PSD2: variants seen among roughly 807,000 people sequenced by gnomAD.
The protein encoded by PSD2 is pleckstrin and Sec7 domain containing 2.
A neutral mutation model predicts 69.8 loss-of-function variants in PSD2; 38 were observed. The ratio of observed to expected loss-of-function variants is 0.54; its 90% CI spans 0.42 to 0.71. The LOEUF (loss-of-function observed/expected upper bound fraction) is 0.71. PSD2 is among the 30% of genes least tolerant of loss of function. The probability of loss-of-function intolerance (pLI) is 0.00; values close to 1 mark genes in which losing one functional copy is unlikely to be tolerated. For missense variants in PSD2, 943 were observed against 1,014.5 expected (o/e 0.93, Z 0.96); for synonymous variants, 412 against 423.0 (o/e 0.97, Z 0.32).
At chr5:139,784,057 C>G in the PSD2 span, among the ~76,000 whole-genome samples, 1 of 150,968 alleles carries the variant, frequency 6.6e-6, no homozygotes, top group Non-Finnish European at 1.5e-5. Flanking sequence ...TCCTCCCACC[C>G]TAGCCTCCCA....
the PSD2 span, chr5:139,772,986 AG>A: frequency 1.3e-5 from 2 of 152,234 alleles, no homozygotes; most frequent in African/African-American, 2.4e-5. Flanking sequence ...TGAATGAGGC[AG>A]GATTGAAAAA....
At chr5:139,798,457 G>A (rs1350094295) in intron 1 of PSD2, among the ~76,000 whole-genome samples, 3 of 152,236 alleles carry the variant, frequency 2.0e-5, no homozygotes, top group South Asian at 2.1e-4. Flanking sequence ...GGGAAGGAAT[G>A]TCCTCTCCTC....
the PSD2 span, among the ~76,000 whole-genome samples, chr5:139,764,759 A>G: frequency 3.9e-5 from 6 of 152,078 alleles, no homozygotes; most frequent in Non-Finnish European, 5.9e-5. Flanking sequence ...ACCTGCCTTT[A>G]CTTCCCACCT....
At chr5:139,751,702 G>A in the PSD2 span, among the ~76,000 whole-genome samples, 9 of 151,686 alleles carry the variant, frequency 5.9e-5, no homozygotes, top group Non-Finnish European at 4.4e-5. Flanking sequence ...GCTCATCACC[G>A]CCCATCATCA....
At position 139,814,075 on chromosome 5, in the gene PSD2, T is replaced by A. The variant is rs991596702; in HGVS notation, c.822-95T>A. ...TTCTTTCCCTGTTCTGGCCCCTACATGGTTTGCAGTGGCCTGGGGAAACCT... is the reference window on the plus strand; with the variant it reads ...TTCTTTCCCTGTTCTGGCCCCTACAAGGTTTGCAGTGGCCTGGGGAAACCT... On this transcript the variant is annotated intron_variant, in intron 3 of 14. Coordinates refer to ENST00000274710, the MANE Select transcript of PSD2 (RefSeq NM_032289.4). The surrounding 1 kb of genome is among the most constrained non-coding windows in gnomAD (Gnocchi z 4.4). 8.5e-7 allele frequency: 1 copy of A among 1,179,732 alleles called. No homozygotes were observed. The highest frequency in any genetic ancestry group is 1.2e-6 in the Non-Finnish European group (1 of 814,670). 73.1% of individuals were successfully genotyped at this position (1,179,732 alleles called of 1,614,324 possible).
rs759924486 is a variant in PSD2 at position 139,837,027 on chromosome 5, A to G, written c.1594+26A>G. ...GTGGGTGTCAGGCTGGGAGAGGGGCATGGGAGGGAGGCTGGCACAGAGGGG... is the reference window on the plus strand; with the variant it reads ...GTGGGTGTCAGGCTGGGAGAGGGGCGTGGGAGGGAGGCTGGCACAGAGGGG... On this transcript the variant is annotated intron_variant, in intron 10 of 14. Coordinates refer to ENST00000274710, the MANE Select transcript of PSD2 (RefSeq NM_032289.4). The surrounding 1 kb of genome is among the most constrained non-coding windows in gnomAD (Gnocchi z 5.0). The G allele has an allele frequency of 6.2e-7, 1 of 1,605,588 alleles. No individual in the cohort carries two copies. The highest frequency in any genetic ancestry group is 8.5e-7 in the Non-Finnish European group (1 of 1,174,220).
the PSD2 span, among the ~76,000 whole-genome samples, chr5:139,743,181 G>A: frequency 6.6e-6 from 1 of 152,216 alleles, no homozygotes; most frequent in East Asian, 1.9e-4. Flanking sequence ...TCTTGGATCT[G>A]TGGCCAGGTG....
intron 9 of PSD2, 46 bp downstream of exon 9, chr5:139,835,812 GGTGGGGGAGT>G: frequency 6.3e-7 from 1 of 1,591,394 alleles, no homozygotes; most frequent in South Asian, 1.1e-5. Context: ...TACATCCCTG[GGTGGGGGAGT>G]GTGGGGGTGC....
chr5:139,743,437 G>T, the PSD2 span, among the ~76,000 whole-genome samples: 2 of 152,204 alleles, frequency 1.3e-5, no homozygotes, highest in Non-Finnish European at 2.9e-5. Flanking sequence ...GGTGGAATGT[G>T]TGTTTGGTGT....
chr5:139,835,611 T>C lies in PSD2; in HGVS notation c.1360-112T>C. 21 of 1,039,110 alleles carry C rather than the reference T, an allele frequency of 2.0e-5. 1 individual carries two copies. In the South Asian group the frequency reaches 2.7e-4, roughly 13 times the overall value. The allele number at this position is 1,039,110 out of a possible 1,614,324, so 64.4% of individuals were successfully genotyped here. A position where few individuals can be genotyped will look rare whatever the true frequency, so the allele number is the denominator to read the frequency against. ...ATAAGTATGAATCAAACACCCACTTTGCCCCATTGGCTGAAAAGGTGCTCC... is the reference window on the plus strand; with the variant it reads ...ATAAGTATGAATCAAACACCCACTTCGCCCCATTGGCTGAAAAGGTGCTCC... On this transcript the variant is annotated intron_variant, in intron 8 of 14. Transcript: ENST00000274710.
chr5:139,813,236 G>A, intron 2 of PSD2, 73 bp from the exon 3 acceptor site: 1 of 1,303,874 alleles, frequency 7.7e-7, no homozygotes, highest in Non-Finnish European at 1.0e-6. Context: ...CCCAGACACA[G>A]ATGAGTGTAG....
chr5:139,747,108 C>T, the PSD2 span, among the ~76,000 whole-genome samples: 1 of 152,170 alleles, frequency 6.6e-6, no homozygotes, highest in Non-Finnish European at 1.5e-5. The surrounding 1 kb of genome is among the most constrained non-coding windows in gnomAD (Gnocchi z 6.7). Context: ...ATCTCCACAT[C>T]TCCATCTCCA....
At chr5:139,824,806 G>T (rs1760375120) in intron 7 of PSD2, among the ~76,000 whole-genome samples, 2 of 152,184 alleles carry the variant, frequency 1.3e-5, no homozygotes, top group South Asian at 4.1e-4. Flanking sequence ...CAGAGCACCT[G>T]ATGCTTTGCA....
chr5:139,782,123 C>T, the PSD2 span, among the ~76,000 whole-genome samples: 5 of 152,214 alleles, frequency 3.3e-5, no homozygotes, highest in Non-Finnish European at 5.9e-5. Flanking sequence ...TAGGTTTCAG[C>T]CCAGTATCTG....
At chr5:139,769,364 T>C in the PSD2 span, among the ~76,000 whole-genome samples, 1 of 151,984 alleles carries the variant, frequency 6.6e-6, no homozygotes, top group Admixed American at 6.5e-5. Context: ...GAGAAGCTTC[T>C]AGACAGGGGT....
the PSD2 span, among the ~76,000 whole-genome samples, chr5:139,782,547 C>T: frequency 6.2e-5 from 9 of 144,100 alleles, no homozygotes; most frequent in African/African-American, 2.1e-4. Flanking sequence ...GGCTGGAGTG[C>T]AGTGGCGTGA....
chr5:139,788,153 G>A, the PSD2 span, among the ~76,000 whole-genome samples: 1 of 151,518 alleles, frequency 6.6e-6, no homozygotes, highest in African/African-American at 2.4e-5. Flanking sequence ...GCCAGCAGAG[G>A]GAGGCGGAGA....
the PSD2 span, among the ~76,000 whole-genome samples, chr5:139,746,643 G>A: frequency 1.3e-5 from 2 of 152,224 alleles, no homozygotes. This position sits in a 1 kb window ranked among gnomAD's most constrained non-coding sequence, Gnocchi z 4.5. Flanking sequence ...TATAGAGCTT[G>A]GCTGGGCGGG....
intron 1 of PSD2, among the ~76,000 whole-genome samples, chr5:139,796,277 C>CG (rs1759525219): frequency 6.6e-6 from 1 of 152,110 alleles, no homozygotes; most frequent in Non-Finnish European, 1.5e-5. Flanking sequence ...TGGGGGCTGC[C>CG]GGGCCGATTG....
Sources: gnomAD v4.1 joint callset for allele counts (sites outside exome capture counted in the v4.1 genomes callset) on GRCh38, gnomAD v4.1.1 for gene constraint, Gnocchi (gnomAD v3.1) non-coding constraint, MANE v1.5 for transcripts, NCBI Gene and HGNC (gene_info 2026-07-23, HGNC 2026-07-21) for gene names.